OTUB1: variants seen among roughly 807,000 people sequenced by gnomAD.
OTUB1 encodes the protein OTU deubiquitinase, ubiquitin aldehyde binding 1, also known as ubiquitin thioesterase OTUB1.
A neutral mutation model predicts 35.8 loss-of-function variants in OTUB1; 10 were observed. The ratio of observed to expected loss-of-function variants is 0.28; its 90% confidence interval spans 0.17 to 0.47. The LOEUF (loss-of-function observed/expected upper bound fraction) is 0.47, where lower values mean the gene tolerates loss of function less well. Ranked by LOEUF, OTUB1 falls within the 20% of genes least tolerant of loss-of-function variation. OTUB1 has a pLI of 0.99. For synonymous variants in OTUB1, 158 were observed against 143.8 expected (o/e 1.10, Z -0.71); for missense variants, 264 against 351.6 (o/e 0.75, Z 1.99).
chr11:63,995,898 T>C (rs561348888), intron 3 of OTUB1, among the ~76,000 whole-genome samples: 2 of 152,086 alleles, frequency 1.3e-5, no homozygotes, highest in Admixed American at 1.3e-4. Context: ...TCCCAGCTAC[T>C]TGGGAGGCTG....
chr11:63,991,764 T>C (rs776602806), intron 3 of OTUB1, among the ~76,000 whole-genome samples: 96 of 152,350 alleles, frequency 6.3e-4, no homozygotes, highest in Non-Finnish European at 1.0e-3. Context: ...GAGAACGGAC[T>C]GTGGTCCAGG....
intron 3 of OTUB1, chr11:63,989,355 G>T (rs1565184546): frequency 6.6e-6 from 1 of 151,706 alleles, no homozygotes; most frequent in African/African-American, 2.4e-5. Flanking sequence ...TCTAGACTCT[G>T]CTACTCAGCA....
chr11:63,996,056 C>T (rs1392603589), intron 3 of OTUB1, among the ~76,000 whole-genome samples: 6 of 152,064 alleles, frequency 3.9e-5, no homozygotes, highest in South Asian at 2.1e-4. Context: ...AGGAGGGCTG[C>T]GGGCAAGGCT....
intron 3 of OTUB1, among the ~76,000 whole-genome samples, chr11:63,994,332 A>C (rs1320843045): frequency 6.6e-6 from 1 of 152,104 alleles, no homozygotes; most frequent in Non-Finnish European, 1.5e-5. Context: ...GGCTCACTGC[A>C]ATCTCCACCT....
intron 3 of OTUB1, chr11:63,989,868 G>C (rs1942654853): frequency 6.6e-6 from 1 of 151,802 alleles, no homozygotes; most frequent in South Asian, 2.1e-4. Context: ...AAAAAAATTA[G>C]CCAGGCGTGG....
chr11:63,996,550 G>C lies in OTUB1; in HGVS notation c.240G>C (p.Ser80=). 1.2e-6 allele frequency: 2 copies of C among 1,614,202 alleles called. No individual in the cohort carries two copies. ...QKIKDLHKKY[S]YIRKTRPDGN... ...CGCAGGACCTCCACAAAAAGTACTC[G>C]TACATCCGCAAGACCAGGCCTGACG... Residue 80 remains serine, a synonymous_variant, in exon 4 of 7, where the codon TCG becomes TCC. Transcript: ENST00000538426.
chr11:63,988,772 G>A lies in OTUB1; in HGVS notation c.219+20G>A, dbSNP rs777711575. On this transcript the variant is annotated intron_variant, in intron 3 of 6. Transcript: ENST00000538426. Reference sequence around the variant, plus strand: ...ATCAAGGTGGGAGCCTGGCCAGAGCGGGTGGGAAGCACCCTGGGGGTGGGG... The same window carrying A: ...ATCAAGGTGGGAGCCTGGCCAGAGCAGGTGGGAAGCACCCTGGGGGTGGGG... The A allele has an allele frequency of 5.2e-6, 8 of 1,550,044 alleles. No individual in the cohort carries two copies. The highest frequency in any genetic ancestry group is 3.3e-5 in the South Asian group (3 of 89,788).
rs1470795322 is a variant in OTUB1, at chr11:63,997,486, C to T, written c.756C>T (p.Gly252=). The change falls in exon 7 of 7, where the codon GGC becomes GGT. Residue 252 remains glycine, a synonymous_variant. Transcript: ENST00000538426. ...CCAATCCGCACATCTTCCCTGAGGG[C>T]TCCGAGCCCAAGGTCTACCTTCTCT... ...GTTNPHIFPE[G]SEPKVYLLYR... is the part of the protein sequence containing the mutation. 6.2e-7 allele frequency: 1 copy of T among 1,614,048 alleles called. No homozygotes were observed. The highest frequency in any genetic ancestry group is 2.2e-5 in the East Asian group (1 of 44,896).
At chr11:63,993,629 A>C (rs969565739) in intron 3 of OTUB1, among the ~76,000 whole-genome samples, 33 of 149,502 alleles carry the variant, frequency 2.2e-4, no homozygotes, top group Admixed American at 2.0e-4. Context: ...GCGCTACTGC[A>C]CTCCAGCCTG....
chr11:63,993,537 G>A (rs1173267207), intron 3 of OTUB1, among the ~76,000 whole-genome samples: 2 of 151,900 alleles, frequency 1.3e-5, no homozygotes, highest in African/African-American at 2.4e-5. Flanking sequence ...AGTGGCGCGC[G>A]CCTGTAGTCC....
chr11:63,997,914 C>A lies in OTUB1; in HGVS notation c.*368C>A, dbSNP rs1942740743. 1.6e-6 allele frequency: 1 copy of A among 607,288 alleles called. No individual in the cohort carries two copies. The highest frequency in any genetic ancestry group is 1.9e-5 in the African/African-American group (1 of 53,998). 37.6% of individuals were successfully genotyped at this position (607,288 alleles called of 1,614,324 possible). A position where few individuals can be genotyped will look rare whatever the true frequency, so the allele number is the denominator to read the frequency against. ...GCTGGCTCAGGGGCTTCTATGGGAT[C>A]CTGGAAGTTCCTTAGGGACTTGCCC... is the stretch of plus-strand genomic sequence containing the variant. On this transcript the variant is annotated 3_prime_UTR_variant, in exon 7 of 7. Coordinates refer to ENST00000538426, the MANE Select transcript of OTUB1 (RefSeq NM_017670.3).
chr11:63,996,612 T>A lies in OTUB1; in HGVS notation c.302T>A (p.Leu101Ter). The A allele has an allele frequency of 6.2e-7, 1 of 1,614,212 alleles. No homozygotes were observed. The highest frequency in any genetic ancestry group is 8.5e-7 in the Non-Finnish European group (1 of 1,180,018). Residue 101 changes from leucine (L) to a stop codon, truncating the protein, a stop_gained, in exon 4 of 7, where the codon TTG becomes TAG. Transcript: ENST00000538426. LOFTEE classifies it high-confidence loss of function. The part of the protein sequence containing the change: ...CFYRAFGFSH[L>*]EALLDDSKEL... ...TATCGGGCTTTCGGATTCTCCCACTTGGAGGCACTGCTGGATGACAGCAAG... is the reference window on the plus strand; with the variant it reads ...TATCGGGCTTTCGGATTCTCCCACTAGGAGGCACTGCTGGATGACAGCAAG...
In OTUB1 at chr11:63,997,485, G is replaced by C. The variant is rs779780540; in HGVS notation, c.755G>C (p.Gly252Ala). ...GTTNPHIFPE[G>A]SEPKVYLLYR... is the part of the protein sequence containing the mutation. ...ACCAATCCGCACATCTTCCCTGAGG[G>C]CTCCGAGCCCAAGGTCTACCTTCTC... The change falls in exon 7 of 7, where the codon GGC becomes GCC. Residue 252 changes from glycine to alanine, a missense_variant. Transcript: ENST00000538426. The C allele has an allele frequency of 2.4e-5, 38 of 1,614,000 alleles. No homozygotes were observed. Among genetic ancestry groups the C allele is most frequent in the Non-Finnish European group, 3.1e-5 (36 of 1,180,028 alleles).
At chr11:63,992,454 A>AGTGGG (rs1942681096) in intron 3 of OTUB1, among the ~76,000 whole-genome samples, 1 of 4,908 alleles carries the variant, frequency 2.0e-4, no homozygotes, top group Non-Finnish European at 5.0e-4. Flanking sequence ...TGGGGAACTG[A>AGTGGG]GCGGGGCGGG....
intron 3 of OTUB1, among the ~76,000 whole-genome samples, chr11:63,994,275 C>G (rs925361917): frequency 2.6e-5 from 4 of 152,064 alleles, no homozygotes; most frequent in African/African-American, 9.7e-5. Flanking sequence ...TTTTTTGAAA[C>G]GGAGTCTCCC....
At chr11:63,996,164 T>TTG (rs1487969400) in intron 3 of OTUB1, among the ~76,000 whole-genome samples, 7 of 152,070 alleles carry the variant, frequency 4.6e-5, no homozygotes, top group African/African-American at 1.7e-4. Context: ...AGGCCAGCAC[T>TTG]CCACCCTGGC....
rs142119296 is a variant in OTUB1, at chr11:63,987,626, C to T, written c.59-711C>T. Among the ~76,000 whole-genome samples, 1,028 of 152,342 alleles carry T rather than the reference C, an allele frequency of 6.7e-3. 15 individuals carry two copies. The highest frequency in any genetic ancestry group is 0.023 in the African/African-American group (975 of 41,580). ...AATTAGACAAACCTGGGTTTGACCG[C>T]AGGTCTTTTGCTAGTTGTGACCTTG... On this transcript the variant is annotated intron_variant, in intron 1 of 6. Coordinates refer to ENST00000538426, the MANE Select transcript of OTUB1 (RefSeq NM_017670.3).
In OTUB1 at chr11:63,988,750, A is replaced by G; in HGVS notation, c.217A>G (p.Lys73Glu). 6.2e-7 allele frequency: 1 copy of G among 1,606,768 alleles called. No individual in the cohort carries two copies. The highest frequency in any genetic ancestry group is 8.5e-7 in the Non-Finnish European group (1 of 1,174,006). The change falls in exon 3 of 7, where the codon AAG (lysine) becomes GAG (glutamate). Residue 73 changes from lysine (K) to glutamate (E), a missense_variant and splice_region_variant. Around this residue, in one of 2 missense-constraint regions of OTUB1, gnomAD observed 214 missense variants for 317.1 expected, o/e 0.67. Transcript: ENST00000538426. ...TGACAACATCTATCAACAGAAGATC[A>G]AGGTGGGAGCCTGGCCAGAGCGGGT... ...EDDNIYQQKIKDLHKKYSYIR... is the reference protein window; with the variant it reads ...EDDNIYQQKIEDLHKKYSYIR...
At chr11:63,987,679 G>T (rs1446044859) in intron 1 of OTUB1, among the ~76,000 whole-genome samples, 2 of 152,226 alleles carry the variant, frequency 1.3e-5, no homozygotes. Context: ...GTCTGCAGTT[G>T]TTTTGTTAAT....
Sources: gnomAD v4.1 joint callset for allele counts (sites outside exome capture counted in the v4.1 genomes callset) on GRCh38, gnomAD v4.1.1 for gene constraint, gnomAD v4.1.1 regional missense constraint, MANE v1.5 for transcripts, NCBI Gene and HGNC (gene_info 2026-07-23, HGNC 2026-07-21) for gene names.